The following C8orf34 variants were observed in gnomAD, a reference collection of about 807,000 sequenced individuals.
C8orf34 encodes the protein uncharacterized protein C8orf34.
A neutral mutation model predicts 68.3 loss-of-function variants in C8orf34; 65 were observed. The observed-to-expected ratio is 0.95, with a 90% CI of 0.78 to 1.17. The LOEUF is 1.17. C8orf34 is among the 50% of genes most tolerant of loss of function. The probability of loss-of-function intolerance (pLI) is 0.00; values close to 1 mark genes in which losing one functional copy is unlikely to be tolerated. For missense variants in C8orf34, 664 were observed against 655.4 expected (o/e 1.01, Z -0.14); for synonymous variants, 244 against 241.2 (o/e 1.01, Z -0.11).
chr8:68,767,355 CATT>C (rs1328143899), intron 10 of C8orf34, among the ~76,000 whole-genome samples: 3 of 152,190 alleles, frequency 2.0e-5, no homozygotes, highest in Non-Finnish European at 4.4e-5. Flanking sequence ...AATATGCATT[CATT>C]GTCCCCCAAA....
intron 12 of C8orf34, among the ~76,000 whole-genome samples, chr8:68,798,130 T>G (rs965203026): frequency 1.4e-5 from 2 of 139,318 alleles, no homozygotes; most frequent in Admixed American, 1.4e-4. Context: ...TTTTAAAAAT[T>G]TTATTTATTT....
chr8:68,758,958 C>G (rs996304325), intron 10 of C8orf34, among the ~76,000 whole-genome samples: 1 of 152,032 alleles, frequency 6.6e-6, no homozygotes, highest in South Asian at 2.1e-4. Flanking sequence ...ACTGTCATTT[C>G]TTACAATTAT....
intron 10 of C8orf34, 146 bp downstream of exon 10, chr8:68,721,583 A>G: frequency 1.7e-6 from 1 of 592,630 alleles, no homozygotes; most frequent in South Asian, 2.4e-5. Flanking sequence ...GGGGAAGAAG[A>G]CTTGAACTAG....
At chr8:68,525,560 CT>C in intron 6 of C8orf34, 1 of 913,314 alleles carries the variant, frequency 1.1e-6, no homozygotes. Flanking sequence ...GTGTCTTCGT[CT>C]TACTTCTTTG....
chr8:68,463,001 G>C (rs1434574037), intron 3 of C8orf34, among the ~76,000 whole-genome samples: 1 of 152,014 alleles, frequency 6.6e-6, no homozygotes, highest in East Asian at 1.9e-4. Context: ...ATGAATCCAG[G>C]AGCTGGTTTT....
At chr8:68,533,429 T>C (rs1815334323) in intron 7 of C8orf34, 2 of 1,085,890 alleles carry the variant, frequency 1.8e-6, no homozygotes, top group Admixed American at 1.0e-4. Context: ...TGTGCAACTG[T>C]GATCAAAATT....
chr8:68,342,985 A>T (rs1226579011), intron 1 of C8orf34, among the ~76,000 whole-genome samples: 2 of 152,126 alleles, frequency 1.3e-5, no homozygotes, highest in Admixed American at 1.3e-4. Flanking sequence ...GAAAAGAAGA[A>T]ATTTGTGTAT....
intron 11 of C8orf34, among the ~76,000 whole-genome samples, 181 bp from the exon 12 acceptor site, chr8:68,787,262 G>A (rs1443053308): frequency 6.6e-6 from 1 of 152,042 alleles, no homozygotes; most frequent in Non-Finnish European, 1.5e-5. Context: ...AATGAGTTCA[G>A]AGTTTGTAGT....
chr8:68,590,415 G>T (rs1168819146), intron 7 of C8orf34, among the ~76,000 whole-genome samples: 1 of 152,038 alleles, frequency 6.6e-6, no homozygotes, highest in East Asian at 1.9e-4. Context: ...GCAGGTCATA[G>T]GGTTTTACTT....
At chr8:68,552,249 C>G (rs891112271) in intron 7 of C8orf34, among the ~76,000 whole-genome samples, 1 of 152,092 alleles carries the variant, frequency 6.6e-6, no homozygotes, top group Non-Finnish European at 1.5e-5. Flanking sequence ...AACATCACCT[C>G]GAATTTTAAT....
rs942657916 is a variant in C8orf34, at chr8:68,439,561, T to C, written c.390T>C (p.His130=). The change falls in exon 2 of 14, where the codon CAT becomes CAC. Residue 130 remains histidine, a synonymous_variant. Transcript: ENST00000518698. ...PDQPIPFLID[H]LQSKQGNRGQ... ...AGCCAATCCCATTTCTCATTGACCATCTTCAGTCTAAACAAGGGAACCGTG... is the reference window on the plus strand; with the variant it reads ...AGCCAATCCCATTTCTCATTGACCACCTTCAGTCTAAACAAGGGAACCGTG... The C allele has an allele frequency of 6.2e-7, 1 of 1,613,640 alleles. No individual in the cohort carries two copies. The highest frequency in any genetic ancestry group is 1.3e-5 in the African/African-American group (1 of 74,908).
intron 10 of C8orf34, 22 bp downstream of exon 10, chr8:68,721,459 T>A (rs760356257): frequency 1.4e-6 from 2 of 1,424,262 alleles, no homozygotes; most frequent in Non-Finnish European, 2.0e-6. Context: ...CATTGACTTA[T>A]TTTTTTTAAT....
chr8:68,709,052 C>T lies in C8orf34; in HGVS notation c.1300C>T (p.Pro434Ser), dbSNP rs867020613. 1 of 1,612,100 alleles carries T rather than the reference C, an allele frequency of 6.2e-7. No homozygotes were observed. Among genetic ancestry groups the T allele is most frequent in the Non-Finnish European group, 8.5e-7 (1 of 1,179,212 alleles). The change falls in exon 9 of 14, where the codon CCA (proline) becomes TCA (serine). Residue 434 changes from proline (P) to serine (S), a missense_variant. By Grantham distance (74) the Pro-to-Ser change is moderately conservative. Transcript: ENST00000518698. Reference sequence around the variant, plus strand: ...AGAGTCACTACCAATACTCCATTCTCCAGATGAAAAAATCCCAGATTCATT... The same window carrying T: ...AGAGTCACTACCAATACTCCATTCTTCAGATGAAAAAATCCCAGATTCATT... ...TEESLPILHS[P>S]DEKIPDSFDS...
chr8:68,434,386 G>A (rs1810570428), intron 1 of C8orf34, among the ~76,000 whole-genome samples: 1 of 152,134 alleles, frequency 6.6e-6, no homozygotes, highest in East Asian at 1.9e-4. Flanking sequence ...CCACTTATGA[G>A]TGAGAACATG....
intron 10 of C8orf34, among the ~76,000 whole-genome samples, chr8:68,746,477 T>C (rs1301340479): frequency 2.7e-4 from 2 of 7,278 alleles, no homozygotes; most frequent in Admixed American, 1.6e-3. Context: ...ACAAAATTGA[T>C]AGACCGCTAG....
At chr8:68,553,306 AC>A (rs1816137490) in intron 7 of C8orf34, among the ~76,000 whole-genome samples, 1 of 146,156 alleles carries the variant, frequency 6.8e-6, no homozygotes, top group African/African-American at 2.6e-5. Context: ...AATAGTGTGA[AC>A]CCGGGAGGCG....
At chr8:68,388,378 C>T (rs116412710) in intron 1 of C8orf34, among the ~76,000 whole-genome samples, 320 of 152,256 alleles carry the variant, frequency 2.1e-3, no homozygotes, top group African/African-American at 7.1e-3. Context: ...CTGATCACCT[C>T]AGCTAGCTGA....
At chr8:68,514,436 A>T (rs781299195) in intron 5 of C8orf34, among the ~76,000 whole-genome samples, 11 of 152,168 alleles carry the variant, frequency 7.2e-5, no homozygotes, top group Non-Finnish European at 4.4e-5. Flanking sequence ...GCAACCAGGG[A>T]TCTGTCAACG....
At chr8:68,616,627 T>C (rs1373878921) in intron 7 of C8orf34, among the ~76,000 whole-genome samples, 1 of 152,190 alleles carries the variant, frequency 6.6e-6, no homozygotes, top group Non-Finnish European at 1.5e-5. Flanking sequence ...TCCTGAGTTC[T>C]AGTTTGATTG....
Sources: gnomAD v4.1 joint callset for allele counts (sites outside exome capture counted in the v4.1 genomes callset) on GRCh38, gnomAD v4.1.1 for gene constraint, MANE v1.5 for transcripts, NCBI Gene and HGNC (gene_info 2026-07-23, HGNC 2026-07-21) for gene names.